SDHAF2: variants seen among roughly 807,000 people sequenced by gnomAD.
SDHAF2 encodes succinate dehydrogenase complex assembly factor 2, also known as succinate dehydrogenase assembly factor 2, mitochondrial.
Under a neutral mutation model 18.5 loss-of-function variants are expected in SDHAF2, and 21 were observed. The observed-to-expected ratio is 1.13, with a 90% confidence interval of 0.80 to 1.63. The LOEUF is 1.63. Among genes scored for constraint, SDHAF2 ranks in the 40% most tolerant of loss-of-function variants. The pLI is 0.00. For missense variants in SDHAF2, 195 were observed against 200.3 expected (o/e 0.97, Z 0.16); for synonymous variants, 84 against 70.7 (o/e 1.19, Z -0.94).
Position 61,436,879 on chromosome 11 carries a change from A to G in SDHAF2, c.37-746A>G, listed in dbSNP as rs962838505. ...GTCACCACCTTGACATCATATCTTG[A>G]TAAGTTGTCAACTTCTCTGGATTGG... On this transcript the variant is annotated intron_variant, in intron 1 of 3. Coordinates refer to ENST00000301761, the MANE Select transcript of SDHAF2 (RefSeq NM_017841.4). The G allele has an allele frequency of 2.3e-6, 3 of 1,288,580 alleles. No individual in the cohort carries two copies. The highest frequency in any genetic ancestry group is 2.3e-5 in the Admixed American group (1 of 43,504). 79.8% of individuals were successfully genotyped at this position (1,288,580 alleles called of 1,614,324 possible).
intron 1 of SDHAF2, chr11:61,436,747 T>C (rs1176819239): frequency 8.6e-6 from 5 of 581,390 alleles, no homozygotes; most frequent in Admixed American, 7.3e-5. Flanking sequence ...TACTGGTTTC[T>C]GGATTTCTCA....
intron 1 of SDHAF2, chr11:61,433,286 C>T (rs1314344860): frequency 1.3e-5 from 2 of 152,210 alleles, no homozygotes; most frequent in East Asian, 1.9e-4. Flanking sequence ...GATCCGCGCA[C>T]CTCAGCCTCC....
At position 61,438,043 on chromosome 11, in the gene SDHAF2, G is replaced by A. The variant is rs1274218425; in HGVS notation, c.300G>A (p.Lys100=). The A allele has an allele frequency of 6.2e-7, 1 of 1,613,946 alleles. No homozygotes were observed. Among genetic ancestry groups the A allele is most frequent in the Non-Finnish European group, 8.5e-7 (1 of 1,180,010 alleles). The change falls in exon 3 of 4, where the codon AAG becomes AAA. Residue 100 remains lysine (K), a synonymous_variant. Coordinates refer to ENST00000301761, the MANE Select transcript of SDHAF2 (RefSeq NM_017841.4). ...AKEHLQHMTE[K]QLNLYDRLIN... ...AACATCTGCAGCACATGACAGAAAA[G>A]CAGCTGAACCTCTATGACCGCCTGA...
chr11:61,430,553 G>C (rs914452161), intron 1 of SDHAF2: 1 of 349,446 alleles, frequency 2.9e-6, no homozygotes, highest in Non-Finnish European at 5.2e-6. Flanking sequence ...GTTTATAATT[G>C]ACATATAATT....
chr11:61,436,644 G>C, intron 1 of SDHAF2: 1 of 357,310 alleles, frequency 2.8e-6, no homozygotes, highest in Non-Finnish European at 5.5e-6. Context: ...GCTTGAGCAG[G>C]GAGGGAAGAG....
In SDHAF2 at chr11:61,446,261, C is replaced by G. The variant is rs1862137081; in HGVS notation, c.*190C>G. On this transcript the variant is annotated 3_prime_UTR_variant, in exon 4 of 4. Transcript: ENST00000301761. Reference sequence around the variant, plus strand: ...ATGCACAATGTGACTCATTCTCATACTTTTTTGTTCAGCTCTGAGCCTCAA... The same window carrying G: ...ATGCACAATGTGACTCATTCTCATAGTTTTTTGTTCAGCTCTGAGCCTCAA... 2 of 678,014 alleles carry G rather than the reference C, an allele frequency of 2.9e-6. No homozygotes were observed. The highest frequency in any genetic ancestry group is 5.2e-6 in the Non-Finnish European group (2 of 383,312). 42.0% of individuals were successfully genotyped at this position (678,014 alleles called of 1,614,324 possible). A position where few individuals can be genotyped will look rare whatever the true frequency, so the allele number is the denominator to read the frequency against.
intron 3 of SDHAF2, among the ~76,000 whole-genome samples, chr11:61,445,040 A>G (rs997961757): frequency 1.3e-5 from 2 of 152,156 alleles, no homozygotes; most frequent in African/African-American, 4.8e-5. Flanking sequence ...CTTTGATCTT[A>G]TGTTGATTGT....
rs1862072913 is a variant in SDHAF2 at position 61,441,990 on chromosome 11, C to T, written c.370+3877C>T. 4.0e-5 allele frequency among the ~76,000 whole-genome samples: 6 copies of T among 151,236 alleles called. 1 individual carries two copies. The South Asian group carries it at 1.3e-3, about 32-fold the overall frequency. ...GCTCCACCTCCTGGGCTCAAGCGAT[C>T]CTCCCACCTCAGCCTCCAGAATAGC... On this transcript the variant is annotated intron_variant, in intron 3 of 3. Coordinates refer to ENST00000301761, the MANE Select transcript of SDHAF2 (RefSeq NM_017841.4).
chr11:61,435,259 C>G (rs1861979367), intron 1 of SDHAF2: 2 of 152,086 alleles, frequency 1.3e-5, no homozygotes, highest in Admixed American at 1.3e-4. Context: ...TTAATGTTTT[C>G]TGTCTTTTTT....
chr11:61,430,320 T>C (rs995551173), intron 1 of SDHAF2, 138 bp downstream of exon 1: 9 of 1,014,266 alleles, frequency 8.9e-6, no homozygotes, highest in Non-Finnish European at 1.4e-5. Flanking sequence ...GAGAGGCCGA[T>C]CCTGCAACTC....
chr11:61,440,672 T>G (rs566533358), intron 3 of SDHAF2, among the ~76,000 whole-genome samples: 300 of 152,294 alleles, frequency 2.0e-3, no homozygotes, highest in African/African-American at 6.8e-3. Context: ...GCTTTTTCTA[T>G]AATAGGTAAA....
rs771298430 is a variant in SDHAF2, at chr11:61,446,732, A to G, written c.*661A>G. On this transcript the variant is annotated 3_prime_UTR_variant, in exon 4 of 4. Transcript: ENST00000301761. ...TTATTAAAGCATACTGAAAAAAGGAAATTTACAATTTCCCAGCCCTCACAA... is the reference window on the plus strand; with the variant it reads ...TTATTAAAGCATACTGAAAAAAGGAGATTTACAATTTCCCAGCCCTCACAA... The G allele has an allele frequency of 6.8e-5, 27 of 399,046 alleles. No homozygotes were observed. Among genetic ancestry groups the G allele is most frequent in the Non-Finnish European group, 1.1e-4 (24 of 226,544 alleles). 24.7% of individuals were successfully genotyped at this position (399,046 alleles called of 1,614,324 possible). A position where few individuals can be genotyped will look rare whatever the true frequency, so the allele number is the denominator to read the frequency against.
chr11:61,443,919 G>A (rs961584664), intron 3 of SDHAF2, among the ~76,000 whole-genome samples: 6 of 152,092 alleles, frequency 3.9e-5, no homozygotes, highest in East Asian at 1.9e-4. Context: ...GACTACAGGC[G>A]CCCGCCACCA....
At chr11:61,437,024 T>A in intron 1 of SDHAF2, 1 of 1,169,978 alleles carries the variant, frequency 8.5e-7, no homozygotes, top group East Asian at 6.2e-5. Flanking sequence ...AAGGAAAAAT[T>A]ATTTCTGCTG....
chr11:61,433,806 G>A (rs943816646), intron 1 of SDHAF2: 4 of 152,360 alleles, frequency 2.6e-5, no homozygotes, highest in Non-Finnish European at 4.4e-5. Context: ...AGAAGTCCAA[G>A]AGCAAGGTGT....
chr11:61,434,594 T>TTTTTTTTTTTTTTTTTTTTC (rs1861971648), intron 1 of SDHAF2: 1 of 143,742 alleles, frequency 7.0e-6, no homozygotes, highest in African/African-American at 2.9e-5. Context: ...CTCATTCCTT[T>TTTTTTTTTTTTTTTTTTTTC]TTTTTTTTTT....
Position 61,446,670 on chromosome 11 carries a change from T to G in SDHAF2, c.*599T>G. On this transcript the variant is annotated 3_prime_UTR_variant, in exon 4 of 4. Coordinates refer to ENST00000301761, the MANE Select transcript of SDHAF2 (RefSeq NM_017841.4). ...GGAGTCAACATCTTCATCATTGGGCTTTCTTTAAAACGTGCACTTTGTAAT... is the reference window on the plus strand; with the variant it reads ...GGAGTCAACATCTTCATCATTGGGCGTTCTTTAAAACGTGCACTTTGTAAT... 1 of 400,250 alleles carries G rather than the reference T, an allele frequency of 2.5e-6. No individual in the cohort carries two copies. Among genetic ancestry groups the G allele is most frequent in the Non-Finnish European group, 4.4e-6 (1 of 227,156 alleles). 24.8% of individuals were successfully genotyped at this position (400,250 alleles called of 1,614,324 possible).
chr11:61,430,740 C>T (rs1861872403), intron 1 of SDHAF2: 1 of 153,668 alleles, frequency 6.5e-6, no homozygotes, highest in African/African-American at 2.4e-5. Flanking sequence ...TAGCTGTAGT[C>T]ACTCTAATAT....
intron 3 of SDHAF2, among the ~76,000 whole-genome samples, chr11:61,439,109 G>C (rs760691956): frequency 6.6e-6 from 1 of 152,068 alleles, no homozygotes. Context: ...TGTATAGTTA[G>C]GATTAACTTT....
Sources: gnomAD v4.1 joint callset for allele counts (sites outside exome capture counted in the v4.1 genomes callset) on GRCh38, gnomAD v4.1.1 for gene constraint, MANE v1.5 for transcripts, NCBI Gene and HGNC (gene_info 2026-07-23, HGNC 2026-07-21) for gene names.